The following ALK variants were observed in gnomAD, a reference collection of about 807,000 sequenced individuals.
The protein encoded by ALK is ALK receptor tyrosine kinase, also known as ALK tyrosine kinase receptor.
In ALK, 74 loss-of-function variants were observed where a neutral mutation model predicts 163.1. That is an observed-to-expected ratio of 0.45 (90% CI 0.38 to 0.55). The LOEUF (loss-of-function observed/expected upper bound fraction) is 0.55. Ranked by LOEUF, ALK falls within the 20% of genes least tolerant of loss-of-function variation. The pLI, the probability that ALK is intolerant of heterozygous loss-of-function variation, is 0.00. For synonymous variants in ALK, 960 were observed against 843.2 expected, an observed-to-expected ratio of 1.14 and a Z score of -2.40; for missense variants, 2,063 against 2,105.3, an observed-to-expected ratio of 0.98 and a Z score of 0.39.
intron 1 of ALK, among the ~76,000 whole-genome samples, chr2:29,847,938 C>G (rs1665889223): frequency 6.6e-6 from 1 of 152,154 alleles, no homozygotes; most frequent in Non-Finnish European, 1.5e-5. Context: ...AGAGTCTCAG[C>G]TTTGATACGC....
intron 3 of ALK, among the ~76,000 whole-genome samples, chr2:29,633,192 C>T (rs1676427556): frequency 6.6e-6 from 1 of 152,084 alleles, no homozygotes; most frequent in South Asian, 2.1e-4. Flanking sequence ...GCTGAATGAC[C>T]TGATTTCTCA....
chr2:29,878,302 AG>A (rs1666772907), intron 1 of ALK, among the ~76,000 whole-genome samples: 1 of 152,210 alleles, frequency 6.6e-6, no homozygotes, highest in Non-Finnish European at 1.5e-5. Flanking sequence ...TTGGGAAATT[AG>A]GTCTCTAGGA....
chr2:29,674,664 T>C (rs936220038), intron 3 of ALK, among the ~76,000 whole-genome samples: 1 of 151,630 alleles, frequency 6.6e-6, no homozygotes, highest in Admixed American at 6.6e-5. Flanking sequence ...TGCCAGGCTT[T>C]GGTATCAGAA....
intron 5 of ALK, among the ~76,000 whole-genome samples, chr2:29,348,158 A>T (rs1668007477): frequency 6.6e-6 from 1 of 152,044 alleles, no homozygotes; most frequent in African/African-American, 2.4e-5. Flanking sequence ...GCAGGGGTGG[A>T]ATGCATGAGT....
At chr2:29,703,767 C>T (rs1261769218) in intron 2 of ALK, among the ~76,000 whole-genome samples, 3 of 152,146 alleles carry the variant, frequency 2.0e-5, no homozygotes. Context: ...CAGTCAGAGG[C>T]TGTTAGAACT....
rs117506536 is a variant in ALK at position 29,693,290 on chromosome 2, C to T, written c.952+1560G>A. Reference sequence around the variant, plus strand: ...AGTAGAAATGTAAAATACACAGACACGTAGTCTCCATCTCAGATCTATTGA... The same window carrying T: ...AGTAGAAATGTAAAATACACAGACATGTAGTCTCCATCTCAGATCTATTGA... On this transcript the variant is annotated intron_variant, in intron 3 of 28. Coordinates refer to ENST00000389048, the MANE Select transcript of ALK (RefSeq NM_004304.5). Among the ~76,000 whole-genome samples, 314 of 152,186 alleles carry T rather than the reference C, an allele frequency of 2.1e-3. 4 individuals carry two copies. The East Asian group carries it at 0.055, about 27-fold the overall frequency.
chr2:29,765,669 C>A (rs777086422), intron 1 of ALK, among the ~76,000 whole-genome samples: 3 of 151,660 alleles, frequency 2.0e-5, no homozygotes, highest in Non-Finnish European at 4.4e-5. Context: ...AAATGCATGT[C>A]AATTTTAAAA....
chr2:29,213,899 G>C (rs2148158999), intron 24 of ALK, 85 bp downstream of exon 24: 1 of 1,151,382 alleles, frequency 8.7e-7, no homozygotes, highest in Non-Finnish European at 1.3e-6. Flanking sequence ...TGCTCTGAAG[G>C]GGGAAATGTG....
At position 29,200,793 on chromosome 2, in the gene ALK, G is replaced by GTA. The variant is rs1558608881; in HGVS notation, c.3939-3119_3939-3118dup. Among the ~76,000 whole-genome samples the GTA allele has an allele frequency of 8.7e-4, 118 of 134,882 alleles. 1 individual carries two copies. The highest frequency in any genetic ancestry group is 2.3e-3 in the South Asian group (10 of 4,324). The allele number at this position is 134,882 out of a possible 152,430, so 88.5% of individuals were successfully genotyped here. ...TATACGTATATATATGTATATACAT[G>GTA]TATACATATATATGTGTGTATATAC... On this transcript the variant is annotated intron_variant, in intron 26 of 28. Coordinates refer to ENST00000389048, the MANE Select transcript of ALK (RefSeq NM_004304.5).
intron 13 of ALK, among the ~76,000 whole-genome samples, chr2:29,236,644 C>T (rs1265457604): frequency 3.3e-5 from 5 of 152,058 alleles, no homozygotes; most frequent in African/African-American, 7.2e-5. Flanking sequence ...GAGGAGCTGC[C>T]GCCCTTTCCT....
intron 1 of ALK, among the ~76,000 whole-genome samples, chr2:29,744,938 G>A (rs79293850): frequency 0.012 from 1,831 of 152,244 alleles, 36 homozygotes; most frequent in African/African-American, 0.04. Flanking sequence ...CATTTTCAAG[G>A]AGAAGGGAAT....
intron 1 of ALK, among the ~76,000 whole-genome samples, chr2:29,789,991 G>T (rs1664147097): frequency 6.6e-6 from 1 of 152,118 alleles, no homozygotes; most frequent in Non-Finnish European, 1.5e-5. Flanking sequence ...CCCATCCCCA[G>T]CTGGCAGGCA....
At chr2:29,531,014 C>A (rs919498602) in intron 4 of ALK, among the ~76,000 whole-genome samples, 2 of 152,276 alleles carry the variant, frequency 1.3e-5, no homozygotes, top group African/African-American at 4.8e-5. Flanking sequence ...AGCCTTATTG[C>A]CAAAGCAACA....
At chr2:29,841,588 C>T (rs1665700594) in intron 1 of ALK, among the ~76,000 whole-genome samples, 1 of 152,182 alleles carries the variant, frequency 6.6e-6, no homozygotes, top group Non-Finnish European at 1.5e-5. Flanking sequence ...CTCTATTGGC[C>T]TTCTGGGTAA....
intron 1 of ALK, among the ~76,000 whole-genome samples, chr2:29,802,161 C>T (rs1664483141): frequency 6.6e-6 from 1 of 151,790 alleles, no homozygotes; most frequent in Non-Finnish European, 1.5e-5. Flanking sequence ...ATGCATGTCT[C>T]CCAAAATAGT....
chr2:29,524,846 G>A (rs949446035), intron 4 of ALK, among the ~76,000 whole-genome samples: 1 of 151,778 alleles, frequency 6.6e-6, no homozygotes, highest in Admixed American at 6.6e-5. Flanking sequence ...ATGGTAGATG[G>A]ATGAGTGGAT....
intron 3 of ALK, among the ~76,000 whole-genome samples, chr2:29,566,052 G>C (rs1303620915): frequency 6.6e-6 from 1 of 152,136 alleles, no homozygotes; most frequent in Admixed American, 6.5e-5. Flanking sequence ...AGAGGTTAAG[G>C]CTGGTTGAGT....
intron 23 of ALK, among the ~76,000 whole-genome samples, chr2:29,216,931 G>T (rs148466421): frequency 1.2e-4 from 6 of 48,858 alleles, no homozygotes; most frequent in African/African-American, 4.7e-4. Context: ...ATGGTGTGTG[G>T]GGGGTGTGTG....
chr2:29,260,459 T>C (rs1665057888), intron 11 of ALK, among the ~76,000 whole-genome samples: 1 of 152,206 alleles, frequency 6.6e-6, no homozygotes, highest in Non-Finnish European at 1.5e-5. Flanking sequence ...TATGTGAGAT[T>C]AGTTTTCCTG....
Sources: gnomAD v4.1 joint callset for allele counts (sites outside exome capture counted in the v4.1 genomes callset) on GRCh38, gnomAD v4.1.1 for gene constraint, MANE v1.5 for transcripts, NCBI Gene and HGNC (gene_info 2026-07-23, HGNC 2026-07-21) for gene names.